The following PRKAR1A variants were observed in gnomAD, a reference collection of about 807,000 sequenced individuals.
PRKAR1A encodes protein kinase cAMP-dependent type I regulatory subunit alpha.
Under a neutral mutation model 52.0 loss-of-function variants are expected in PRKAR1A, and 3 were observed. The ratio of observed to expected loss-of-function variants is 0.06; its 90% CI spans 0.03 to 0.15. The LOEUF (loss-of-function observed/expected upper bound fraction) is 0.15, where lower values mean the gene tolerates loss of function less well. PRKAR1A is among the 10% of genes least tolerant of loss of function. PRKAR1A has a pLI of 1.00. For missense variants in PRKAR1A, 240 were observed against 477.4 expected, an observed-to-expected ratio of 0.50 and a Z score of 4.63; for synonymous variants, 188 against 168.4, an observed-to-expected ratio of 1.12 and a Z score of -0.90.
At chr17:68,540,134 G>A (rs766679745) in intron 11 of PRKAR1A, among the ~76,000 whole-genome samples, 23 of 152,172 alleles carry the variant, frequency 1.5e-4, no homozygotes, top group African/African-American at 3.6e-4. Context: ...TGAAGCAGCC[G>A]CAGGAGGGAG....
chr17:68,433,523 C>T, the PRKAR1A span: 60 of 1,613,560 alleles, frequency 3.7e-5, 1 homozygote, highest in Admixed American at 2.7e-4. Flanking sequence ...TTACTGGAGG[C>T]GCAGAGGAAT....
At chr17:68,419,017 CAAA>C in the PRKAR1A span, among the ~76,000 whole-genome samples, 5 of 112,936 alleles carry the variant, frequency 4.4e-5, no homozygotes, top group Admixed American at 9.7e-5. Context: ...ATAGCAAAGC[CAAA>C]AAAAAAAAAA....
the PRKAR1A span, chr17:68,425,879 C>T: frequency 7.2e-6 from 4 of 556,682 alleles, no homozygotes; most frequent in African/African-American, 1.9e-5. Flanking sequence ...GGGTTTAGCT[C>T]GACACCTAAA....
the PRKAR1A span, among the ~76,000 whole-genome samples, chr17:68,494,835 G>A: frequency 6.6e-6 from 1 of 152,138 alleles, no homozygotes; most frequent in Admixed American, 6.5e-5. Flanking sequence ...ACACCACATG[G>A]AACAGAAGAA....
At chr17:68,506,574 C>T in the PRKAR1A span, among the ~76,000 whole-genome samples, 2 of 152,068 alleles carry the variant, frequency 1.3e-5, no homozygotes, top group African/African-American at 4.8e-5. Flanking sequence ...ACCTCCGCCT[C>T]CCTGGTTCAA....
chr17:68,427,339 C>G, the PRKAR1A span: 95 of 1,020,464 alleles, frequency 9.3e-5, no homozygotes, highest in African/African-American at 1.2e-3. Context: ...CATGAAGAAG[C>G]CTGTGCTCAG....
the PRKAR1A span, among the ~76,000 whole-genome samples, chr17:68,423,825 C>CAT: frequency 6.6e-6 from 1 of 152,180 alleles, no homozygotes; most frequent in Non-Finnish European, 1.5e-5. The surrounding 1 kb of genome is among the most constrained non-coding windows in gnomAD (Gnocchi z 4.4). Flanking sequence ...ATACTAATAT[C>CAT]CACATTACCC....
downstream of PRKAR1A, chr17:68,535,808 A>T: frequency 4.6e-6 from 2 of 437,708 alleles, no homozygotes; most frequent in Non-Finnish European, 4.6e-6. Context: ...TGCCCAGCTG[A>T]TTTTTTTTTT....
At chr17:68,441,037 C>T in the PRKAR1A span, 2 of 152,204 alleles carry the variant, frequency 1.3e-5, no homozygotes, top group Admixed American at 6.5e-5. Flanking sequence ...GTTCAATGAT[C>T]TGCATTGCTG....
chr17:68,425,433 C>A, the PRKAR1A span, among the ~76,000 whole-genome samples: 42 of 145,230 alleles, frequency 2.9e-4, 1 homozygote, highest in South Asian at 9.1e-3. Flanking sequence ...GTTGCCCAGG[C>A]TGGTCTCTAA....
chr17:68,429,474 T>C, the PRKAR1A span, among the ~76,000 whole-genome samples: 1 of 152,244 alleles, frequency 6.6e-6, no homozygotes, highest in East Asian at 1.9e-4. Flanking sequence ...ACAGTGTCAT[T>C]ATAACCAGAA....
chr17:68,530,160 T>G, intron 10 of PRKAR1A, 117 bp from the exon 11 acceptor site: 3 of 1,496,726 alleles, frequency 2.0e-6, no homozygotes, highest in Non-Finnish European at 2.8e-6. Context: ...TGATCTTTAC[T>G]CATTTAATGA....
At chr17:68,417,821 C>T in the PRKAR1A span, among the ~76,000 whole-genome samples, 9 of 130,038 alleles carry the variant, frequency 6.9e-5, no homozygotes, top group Non-Finnish European at 1.2e-4. Flanking sequence ...GATCTCGGCT[C>T]CCAGGTTCAC....
chr17:68,503,763 A>G, the PRKAR1A span, among the ~76,000 whole-genome samples: 1 of 152,256 alleles, frequency 6.6e-6, no homozygotes, highest in Non-Finnish European at 1.5e-5. Context: ...GAAGACATGC[A>G]AATGGCAAAC....
At chr17:68,446,738 G>T in the PRKAR1A span, among the ~76,000 whole-genome samples, 20 of 152,314 alleles carry the variant, frequency 1.3e-4, no homozygotes, top group Admixed American at 3.3e-4. Context: ...CCCTGGGATA[G>T]CGGGGCCTTG....
the PRKAR1A span, chr17:68,457,469 C>T: frequency 1.4e-6 from 2 of 1,379,568 alleles, no homozygotes; most frequent in Non-Finnish European, 1.9e-6. Context: ...CGACAGCCAC[C>T]TCAGCAGCCC....
the PRKAR1A span, chr17:68,420,748 T>G: frequency 2.3e-6 from 1 of 441,416 alleles, no homozygotes; most frequent in Non-Finnish European, 4.0e-6. Flanking sequence ...GGGCAATTGT[T>G]TAACCTAACC....
chr17:68,503,945 T>C, the PRKAR1A span, among the ~76,000 whole-genome samples: 1 of 152,174 alleles, frequency 6.6e-6, no homozygotes, highest in Non-Finnish European at 1.5e-5. Context: ...TTGGTGGGAA[T>C]GTCAATTAGT....
the PRKAR1A span, among the ~76,000 whole-genome samples, chr17:68,437,196 T>C: frequency 6.6e-6 from 1 of 152,060 alleles, no homozygotes; most frequent in African/African-American, 2.4e-5. Flanking sequence ...CTGCAGATGA[T>C]TATATACTGT....
Sources: allele counts gnomAD v4.1 joint callset (sites outside exome capture counted in the v4.1 genomes callset), GRCh38; gene constraint gnomAD v4.1.1; non-coding constraint Gnocchi (gnomAD v3.1); transcripts MANE v1.5; gene names NCBI Gene and HGNC (gene_info 2026-07-23, HGNC 2026-07-21).